Variants in GPM6A observed in about 807,000 individuals in gnomAD.
The protein encoded by GPM6A is glycoprotein M6A, also known as neuronal membrane glycoprotein M6-a.
Under a neutral mutation model 32.1 loss-of-function variants are expected in GPM6A, and 7 were observed. The ratio of observed to expected loss-of-function variants is 0.22; its 90% CI spans 0.12 to 0.41. GPM6A has a LOEUF of 0.41. GPM6A is among the 10% of genes least tolerant of loss of function. The probability of loss-of-function intolerance (pLI) is 1.00; values close to 1 mark genes in which losing one functional copy is unlikely to be tolerated. For missense variants in GPM6A, 235 were observed against 347.2 expected (o/e 0.68, Z 2.57); for synonymous variants, 130 against 123.4 (o/e 1.05, Z -0.35).
intron 1 of GPM6A, among the ~76,000 whole-genome samples, chr4:175,886,492 T>C (rs1276845746): frequency 6.6e-6 from 1 of 152,096 alleles, no homozygotes; most frequent in African/African-American, 2.4e-5. Context: ...CTTACTGAAA[T>C]AACTACACAA....
At chr4:175,660,994 A>G (rs1742376594) in intron 3 of GPM6A, among the ~76,000 whole-genome samples, 1 of 152,192 alleles carries the variant, frequency 6.6e-6, no homozygotes, top group Admixed American at 6.5e-5. Flanking sequence ...AAGTAACCAA[A>G]AAAATTAAGA....
chr4:175,641,251 G>A (rs1741126276), intron 4 of GPM6A: 1 of 159,106 alleles, frequency 6.3e-6, no homozygotes, highest in South Asian at 1.9e-4. Flanking sequence ...CTGCCCAAAG[G>A]AGTACTTTTT....
At chr4:175,887,116 TTAAAG>T (rs1387474940) in intron 1 of GPM6A, among the ~76,000 whole-genome samples, 1 of 151,956 alleles carries the variant, frequency 6.6e-6, no homozygotes, top group African/African-American at 2.4e-5. Context: ...TACCCAATAA[TTAAAG>T]TAAATACATG....
At chr4:175,824,349 C>T (rs1296005748) in intron 1 of GPM6A, among the ~76,000 whole-genome samples, 10 of 152,170 alleles carry the variant, frequency 6.6e-5, no homozygotes, top group African/African-American at 2.2e-4. Flanking sequence ...GTGTTCTTCA[C>T]GGTTTTCAGC....
intron 1 of GPM6A, among the ~76,000 whole-genome samples, chr4:175,783,211 C>T (rs1468453962): frequency 2.6e-5 from 4 of 151,876 alleles, no homozygotes; most frequent in African/African-American, 4.8e-5. Context: ...TCAGGCACTG[C>T]CTTGTCACCC....
At chr4:175,692,140 A>AT (rs1191229722) in intron 2 of GPM6A, among the ~76,000 whole-genome samples, 19 of 152,284 alleles carry the variant, frequency 1.2e-4, no homozygotes, top group African/African-American at 4.6e-4. Context: ...ATTTGTGGTA[A>AT]TTCTTTTTTG....
chr4:175,636,937 C>CAT (rs562869711), intron 6 of GPM6A, among the ~76,000 whole-genome samples: 3,188 of 124,154 alleles, frequency 0.026, 46 homozygotes, highest in African/African-American at 0.052. Context: ...TTCACTCATG[C>CAT]ATATATATAT....
chr4:175,837,246 C>A (rs1735797989), intron 1 of GPM6A, among the ~76,000 whole-genome samples: 1 of 152,162 alleles, frequency 6.6e-6, no homozygotes, highest in South Asian at 2.1e-4. Context: ...AGAACAGATT[C>A]TCTCCTAGAG....
At chr4:175,655,503 GAT>G (rs1354353713) in intron 3 of GPM6A, among the ~76,000 whole-genome samples, 1 of 151,776 alleles carries the variant, frequency 6.6e-6, no homozygotes, top group Non-Finnish European at 1.5e-5. Flanking sequence ...GCATATCATG[GAT>G]ATATATATTT....
chr4:175,769,551 T>C (rs1189964034), intron 1 of GPM6A, among the ~76,000 whole-genome samples: 1 of 152,190 alleles, frequency 6.6e-6, no homozygotes, highest in Non-Finnish European at 1.5e-5. Flanking sequence ...CCATGGTCAC[T>C]GATCCAAACA....
At chr4:175,884,814 G>T (rs780623354) in intron 1 of GPM6A, among the ~76,000 whole-genome samples, 1 of 152,078 alleles carries the variant, frequency 6.6e-6, no homozygotes, top group Non-Finnish European at 1.5e-5. Flanking sequence ...GATTACAGGG[G>T]TTAGCCACCG....
intron 1 of GPM6A, among the ~76,000 whole-genome samples, chr4:175,863,457 C>T (rs1228192255): frequency 6.6e-6 from 1 of 151,890 alleles, no homozygotes; most frequent in African/African-American, 2.4e-5. Flanking sequence ...AACTAATACG[C>T]CACAATATGT....
At chr4:175,851,112 A>C (rs2111401961) in intron 1 of GPM6A, among the ~76,000 whole-genome samples, 1 of 152,184 alleles carries the variant, frequency 6.6e-6, no homozygotes, top group East Asian at 1.9e-4. Flanking sequence ...TAATCCCAGC[A>C]CTTTGGGGGA....
intron 1 of GPM6A, among the ~76,000 whole-genome samples, chr4:175,765,206 C>T (rs905513567): frequency 6.6e-6 from 1 of 151,974 alleles, no homozygotes; most frequent in African/African-American, 2.4e-5. Context: ...CACTCCTTTC[C>T]TCCCTACCAA....
At chr4:175,927,998 G>C (rs1738903729) in intron 1 of GPM6A, among the ~76,000 whole-genome samples, 2 of 152,058 alleles carry the variant, frequency 1.3e-5, no homozygotes, top group Non-Finnish European at 2.9e-5. Context: ...TAGTTTAACT[G>C]GTTTTGGAGT....
chr4:175,726,853 G>A lies in GPM6A; in HGVS notation c.38-25086C>T, dbSNP rs115778316. Among the ~76,000 whole-genome samples the A allele has an allele frequency of 5.8e-4, 88 of 152,104 alleles. No individual in the cohort carries two copies. The East Asian group carries it at 7.4e-3, about 13-fold the overall frequency. ...TCTACTAAAAATACAAAAATTAGCC[G>A]GGTGTGTTGATGTGCACCTGTAATT... On this transcript the variant is annotated intron_variant, in intron 1 of 6. Coordinates refer to ENST00000393658, the MANE Select transcript of GPM6A (RefSeq NM_201591.3).
rs141043919 is a variant in GPM6A, at chr4:175,849,227, T to C, written c.-22-36978A>G. 6.7e-3 allele frequency among the ~76,000 whole-genome samples: 1,021 copies of C among 152,306 alleles called. 8 individuals are homozygous for C. The highest frequency in any genetic ancestry group is 0.022 in the African/African-American group (932 of 41,570). On this transcript the variant is annotated intron_variant, in intron 1 of 7. Transcript: ENST00000280187. Reference sequence around the variant, plus strand: ...CAAATATTCAATTATTCAATATCCATGTACTTCCCAATTCTCCCAGCCCCC... The same window carrying C: ...CAAATATTCAATTATTCAATATCCACGTACTTCCCAATTCTCCCAGCCCCC...
At chr4:175,906,066 C>G (rs1218453718) in intron 1 of GPM6A, among the ~76,000 whole-genome samples, 5 of 152,002 alleles carry the variant, frequency 3.3e-5, no homozygotes, top group Admixed American at 6.6e-5. Context: ...ACATTTAAGG[C>G]CCATTAAGTC....
At chr4:175,972,261 T>C (rs1042654148) in intron 1 of GPM6A, among the ~76,000 whole-genome samples, 1 of 152,228 alleles carries the variant, frequency 6.6e-6, no homozygotes, top group South Asian at 2.1e-4. Flanking sequence ...TTAAGAAGAA[T>C]ACAATATTCC....
Sources: allele counts gnomAD v4.1 joint callset (sites outside exome capture counted in the v4.1 genomes callset), GRCh38; gene constraint gnomAD v4.1.1; transcripts MANE v1.5; gene names NCBI Gene and HGNC (gene_info 2026-07-23, HGNC 2026-07-21).